The following HOXA3 variants were observed in gnomAD, a reference collection of about 807,000 sequenced individuals.
HOXA3 encodes the protein homeobox protein Hox-A3.
HOXA3 carries 8 observed loss-of-function variants against 30.3 expected under a neutral mutation model. The ratio of observed to expected loss-of-function variants is 0.26; its 90% CI spans 0.15 to 0.48. The LOEUF (loss-of-function observed/expected upper bound fraction) is 0.48, where lower values mean the gene tolerates loss of function less well. Ranked by LOEUF, HOXA3 falls within the 20% of genes least tolerant of loss-of-function variation. HOXA3 has a pLI of 0.99. For synonymous variants in HOXA3, 323 were observed against 273.1 expected (o/e 1.18, Z -1.80); for missense variants, 653 against 614.4 (o/e 1.06, Z -0.66).
chr7:27,139,279 C>T (rs1785816324), intron 2 of HOXA3, among the ~76,000 whole-genome samples: 1 of 152,234 alleles, frequency 6.6e-6, no homozygotes, highest in Non-Finnish European at 1.5e-5. Context: ...AAAGAACATG[C>T]AGGCAAACAG....
At chr7:27,148,571 G>A (rs760718063) in intron 1 of HOXA3, among the ~76,000 whole-genome samples, 14 of 152,228 alleles carry the variant, frequency 9.2e-5, no homozygotes, top group Non-Finnish European at 1.8e-4. Context: ...GGGCTCAATG[G>A]CCCGCGCCTG....
chr7:27,146,053 GC>G lies in HOXA3; in HGVS notation c.-493-5868del, dbSNP rs1338398652. The G allele has an allele frequency of 5.9e-6, 6 of 1,019,680 alleles. No homozygotes were observed. The East Asian group carries it at 1.5e-4, about 26-fold the overall frequency. The allele number at this position is 1,019,680 out of a possible 1,614,324, so 63.2% of individuals were successfully genotyped here. On this transcript the variant is annotated intron_variant, in intron 1 of 5. Coordinates refer to ENST00000612286, the MANE Select transcript of HOXA3 (RefSeq NM_153631.3). ...TCCAGCCTCTCCCACTATGTCTGGG[GC>G]CCAAAGCATACTGAATGGGAGATTA...
intron 2 of HOXA3, among the ~76,000 whole-genome samples, chr7:27,139,069 C>G (rs986302469): frequency 9.2e-5 from 14 of 152,190 alleles, no homozygotes; most frequent in African/African-American, 3.4e-4. Context: ...TTCTGAGGGT[C>G]CTGTGCGTAG....
chr7:27,129,179 G>A, intron 2 of HOXA3: 2 of 1,140,530 alleles, frequency 1.8e-6, no homozygotes, highest in South Asian at 1.2e-5. Flanking sequence ...GAGAAGAGAA[G>A]AGAAAAGCAG....
intron 2 of HOXA3, among the ~76,000 whole-genome samples, chr7:27,138,817 C>G (rs1245678001): frequency 6.6e-6 from 1 of 152,198 alleles, no homozygotes; most frequent in East Asian, 1.9e-4. Flanking sequence ...GAAAGAGCAA[C>G]TAACAAAAGA....
In HOXA3 at chr7:27,108,255, G is replaced by T. The variant is rs1421765421; in HGVS notation, c.992C>A (p.Ala331Glu). 2 of 1,517,566 alleles carry T rather than the reference G, an allele frequency of 1.3e-6. No homozygotes were observed. Among genetic ancestry groups the T allele is most frequent in the Non-Finnish European group, 8.8e-7 (1 of 1,133,088 alleles). The allele number at this position is 1,517,566 out of a possible 1,614,324, so 94.0% of individuals were successfully genotyped here. ...PPPPPQKRYT[A>E]AGAGAGGTPD... ...GGTGCCCCCTGCGCCCGCCCCTGCCGCCGTGTAGCGCTTCTGTGGGGGTGG... is the reference window on the plus strand; with the variant it reads ...GGTGCCCCCTGCGCCCGCCCCTGCCTCCGTGTAGCGCTTCTGTGGGGGTGG... Residue 331 changes from alanine to glutamate, a missense_variant, in exon 6 of 6, where the codon GCG (alanine) becomes GAG (glutamate). Ala to Glu is a moderately radical substitution (Grantham distance 107). Around this residue, in one of 3 missense-constraint regions of HOXA3, gnomAD observed 330 missense variants for 274.4 expected, o/e 1.20. Coordinates refer to ENST00000612286, the MANE Select transcript of HOXA3 (RefSeq NM_153631.3). The surrounding 1 kb of genome is among the most constrained non-coding windows in gnomAD (Gnocchi z 5.0).
intron 4 of HOXA3, among the ~76,000 whole-genome samples, chr7:27,115,116 A>C (rs974754684): frequency 6.7e-6 from 1 of 150,374 alleles, no homozygotes. Context: ...GGTCCTTCTC[A>C]AAGGAAGGTG....
chr7:27,142,174 C>G, intron 1 of HOXA3: 1 of 1,452,054 alleles, frequency 6.9e-7, no homozygotes, highest in Non-Finnish European at 9.2e-7. Flanking sequence ...GCAGGGAACC[C>G]AGGCGAAAAG....
Position 27,143,527 on chromosome 7 carries a change from A to C in HOXA3, c.-493-3341T>G. 5 of 1,613,800 alleles carry C rather than the reference A, an allele frequency of 3.1e-6. No individual in the cohort carries two copies. The South Asian group carries it at 5.5e-5, about 18-fold the overall frequency. On this transcript the variant is annotated intron_variant, in intron 1 of 5. Coordinates refer to ENST00000612286, the MANE Select transcript of HOXA3 (RefSeq NM_153631.3). ...CCCTGAATTGCTCGCTCACGGAACT[A>C]TGATCTCCATAATTATGCAACTGGT...
At chr7:27,132,786 G>C (rs554736779) in intron 2 of HOXA3, among the ~76,000 whole-genome samples, 18 of 152,228 alleles carry the variant, frequency 1.2e-4, no homozygotes, top group African/African-American at 4.1e-4. Flanking sequence ...ATAATATATA[G>C]ACATACGTAT....
intron 4 of HOXA3, chr7:27,119,606 A>G (rs1162727270): frequency 1.3e-5 from 2 of 152,136 alleles, no homozygotes; most frequent in African/African-American, 4.8e-5. Flanking sequence ...TCCTCAGGCC[A>G]TATTCTTTTT....
In HOXA3 at chr7:27,111,485, C is replaced by CGT. The variant is rs61655486; in HGVS notation, c.-120-727_-120-726dup. Among the ~76,000 whole-genome samples, 1,004 of 148,884 alleles carry CGT rather than the reference C, an allele frequency of 6.7e-3. 5 individuals are homozygous for CGT. Among genetic ancestry groups the CGT allele is most frequent in the Middle Eastern group, 0.014 (4 of 290 alleles). On this transcript the variant is annotated intron_variant, in intron 4 of 5. Coordinates refer to ENST00000612286, the MANE Select transcript of HOXA3 (RefSeq NM_153631.3). ...GGAAAACTTTGTGTGGAACACATTGCGTGTGTGTGTGTGTGTGTGTGTGTG... is the reference window on the plus strand; with the variant it reads ...GGAAAACTTTGTGTGGAACACATTGCGTGTGTGTGTGTGTGTGTGTGTGTGTG...
rs1191074594 is a variant in HOXA3, at chr7:27,108,272, TGGGGGTGGC to T, written c.966_974del (p.Pro323_Pro325del). 1 of 1,500,370 alleles carries T rather than the reference TGGGGGTGGC, an allele frequency of 6.7e-7. No homozygotes were observed. The highest frequency in any genetic ancestry group is 1.5e-5 in the African/African-American group (1 of 66,810). The allele number at this position is 1,500,370 out of a possible 1,614,324, so 92.9% of individuals were successfully genotyped here. ...CCCCTGCCGCCGTGTAGCGCTTCTG[TGGGGGTGGC>T]GGGGGTGCGCAGCTGGGCAGGGACG... On this transcript the variant is annotated inframe_deletion, in exon 6 of 6. Transcript: ENST00000612286. This position sits in a 1 kb window ranked among gnomAD's most constrained non-coding sequence, Gnocchi z 5.0.
intron 2 of HOXA3, chr7:27,133,931 C>T (rs536591523): frequency 6.6e-6 from 1 of 152,334 alleles, no homozygotes; most frequent in East Asian, 1.9e-4. Context: ...CGGCCTTGGA[C>T]TTTGCGCTTC....
chr7:27,108,401 C>T lies in HOXA3; in HGVS notation c.846G>A (p.Ser282=), dbSNP rs768014574. The change falls in exon 6 of 6, where the codon TCG becomes TCA. Residue 282 remains serine, a synonymous_variant. Coordinates refer to ENST00000612286, the MANE Select transcript of HOXA3 (RefSeq NM_153631.3). This position sits in a 1 kb window ranked among gnomAD's most constrained non-coding sequence, Gnocchi z 5.0. ...GAGGYLNSMH[S]LVNSVPYEPQ... Reference sequence around the variant, plus strand: ...GCTCATACGGGACGCTGTTGACCAGCGAATGCATAGAGTTCAGATAGCCAC... The same window carrying T: ...GCTCATACGGGACGCTGTTGACCAGTGAATGCATAGAGTTCAGATAGCCAC... 1 of 1,606,450 alleles carries T rather than the reference C, an allele frequency of 6.2e-7. No homozygotes were observed.
chr7:27,114,737 G>C (rs1297114759), intron 4 of HOXA3, among the ~76,000 whole-genome samples: 2 of 14,728 alleles, frequency 1.4e-4, no homozygotes, highest in Non-Finnish European at 2.3e-4. Flanking sequence ...AAGAGAAACC[G>C]ACATCATACA....
rs17500792 is a variant in HOXA3, at chr7:27,135,648, A to C, written c.-390+4435T>G. 3.0e-3 allele frequency among the ~76,000 whole-genome samples: 453 copies of C among 152,354 alleles called. 4 individuals carry two copies. The highest frequency in any genetic ancestry group is 0.01 in the African/African-American group (432 of 41,582). ...ACACACTTTAGGGGTCATCATGTGT[A>C]CTAAAAAGACAAAAAACCGGCCAAT... On this transcript the variant is annotated intron_variant, in intron 2 of 5. Transcript: ENST00000612286.
chr7:27,131,677 A>C (rs1360141482), intron 2 of HOXA3, among the ~76,000 whole-genome samples: 2 of 152,208 alleles, frequency 1.3e-5, no homozygotes, highest in African/African-American at 4.8e-5. Context: ...GGATAGAAGC[A>C]ACACCTCCAC....
In HOXA3 at chr7:27,119,912, T is replaced by C. The variant is rs909588651; in HGVS notation, c.-121+2647A>G. ...CTGGAAGAGAACCTCCATGTGAACTTTTCCAGCTCCTATCTAAGTTACAAG... is the reference window on the plus strand; with the variant it reads ...CTGGAAGAGAACCTCCATGTGAACTCTTCCAGCTCCTATCTAAGTTACAAG... On this transcript the variant is annotated intron_variant, in intron 4 of 5. Coordinates refer to ENST00000612286, the MANE Select transcript of HOXA3 (RefSeq NM_153631.3). 5.3e-5 allele frequency among the ~76,000 whole-genome samples: 8 copies of C among 152,128 alleles called. 1 individual carries two copies. Among genetic ancestry groups the C allele is most frequent in the African/African-American group, 1.9e-4 (8 of 41,432 alleles).
Sources: allele counts gnomAD v4.1 joint callset (sites outside exome capture counted in the v4.1 genomes callset), GRCh38; gene constraint gnomAD v4.1.1; regional missense constraint gnomAD v4.1.1; non-coding constraint Gnocchi (gnomAD v3.1); transcripts MANE v1.5; gene names NCBI Gene and HGNC (gene_info 2026-07-23, HGNC 2026-07-21).